Variants in NAA40 observed in about 807,000 individuals in gnomAD.
NAA40 encodes N-alpha-acetyltransferase 40, NatD catalytic subunit.
A neutral mutation model predicts 36.6 loss-of-function variants in NAA40; 26 were observed. The ratio of observed to expected loss-of-function variants is 0.71; its 90% CI spans 0.52 to 0.98. The LOEUF (loss-of-function observed/expected upper bound fraction) is 0.98, where lower values mean the gene tolerates loss of function less well. Ranked by LOEUF, NAA40 falls within the 50% of genes least tolerant of loss-of-function variation. NAA40 has a pLI of 0.00. For synonymous variants in NAA40, 129 were observed against 108.4 expected (o/e 1.19, Z -1.18); for missense variants, 237 against 306.5 (o/e 0.77, Z 1.69).
At chr11:63,953,386 A>G (rs573854937) in intron 6 of NAA40, among the ~76,000 whole-genome samples, 13 of 152,182 alleles carry the variant, frequency 8.5e-5, no homozygotes, top group Admixed American at 7.2e-4. Flanking sequence ...CACCTTCTGT[A>G]CCGAAGTAAT....
chr11:63,946,913 A>T (rs770797218), intron 2 of NAA40, 38 bp from the exon 3 acceptor site: 5 of 1,612,526 alleles, frequency 3.1e-6, no homozygotes, highest in Non-Finnish European at 4.2e-6. Flanking sequence ...CCTCCGCCCC[A>T]CTTGTCTGTG....
intron 1 of NAA40, chr11:63,939,521 G>A: frequency 1.0e-6 from 1 of 998,132 alleles, no homozygotes; most frequent in South Asian, 4.5e-5. Context: ...GAGGAAAGAA[G>A]GCGCCTAGCC....
intron 3 of NAA40, among the ~76,000 whole-genome samples, chr11:63,948,869 C>T (rs901080140): frequency 6.6e-6 from 1 of 151,934 alleles, no homozygotes; most frequent in African/African-American, 2.4e-5. Context: ...CCTTTCTGTT[C>T]CTCAATTTTC....
chr11:63,940,877 T>C (rs1942097887), intron 1 of NAA40, among the ~76,000 whole-genome samples: 1 of 152,222 alleles, frequency 6.6e-6, no homozygotes, highest in Non-Finnish European at 1.5e-5. Flanking sequence ...TAAATTTTGG[T>C]GAAAGGTCCT....
chr11:63,949,520 C>T (rs1056591152), intron 3 of NAA40, among the ~76,000 whole-genome samples: 10 of 151,784 alleles, frequency 6.6e-5, no homozygotes, highest in African/African-American at 2.4e-4. Context: ...GTTTTTTTCT[C>T]GTTTTGGTTT....
chr11:63,949,232 C>T (rs1942236719), intron 3 of NAA40, among the ~76,000 whole-genome samples: 1 of 152,090 alleles, frequency 6.6e-6, no homozygotes, highest in South Asian at 2.1e-4. Flanking sequence ...ATAATAGTAC[C>T]TTTCTCATGG....
chr11:63,941,899 A>G (rs1220916515), intron 1 of NAA40, among the ~76,000 whole-genome samples: 1 of 152,096 alleles, frequency 6.6e-6, no homozygotes, highest in Non-Finnish European at 1.5e-5. Flanking sequence ...TTCCAGTCGT[A>G]GAACTGTGTG....
chr11:63,941,774 G>A (rs1942112805), intron 1 of NAA40, among the ~76,000 whole-genome samples: 1 of 152,084 alleles, frequency 6.6e-6, no homozygotes. Context: ...GGCTGGTCTT[G>A]AACTCCTGAC....
In NAA40 at chr11:63,952,381, C is replaced by T. The variant is rs770887296; in HGVS notation, c.252-26C>T. The T allele has an allele frequency of 3.6e-5, 58 of 1,613,230 alleles. 1 individual carries two copies. The South Asian group carries it at 4.9e-4, about 14-fold the overall frequency. On this transcript the variant is annotated intron_variant, in intron 4 of 7. Transcript: ENST00000377793. The stretch of plus-strand genomic sequence containing the variant: ...AGCCTAGTTCCTCTCGCAGCTTTCC[C>T]GTCTGACTGCTCCCAAATTCCCCAG...
At position 63,953,389 on chromosome 11, in the gene NAA40, G is replaced by A. The variant is rs542827489; in HGVS notation, c.494+550G>A. 3.2e-4 allele frequency among the ~76,000 whole-genome samples: 48 copies of A among 152,226 alleles called. No homozygotes were observed. The East Asian group carries it at 6.4e-3, about 20-fold the overall frequency. On this transcript the variant is annotated intron_variant, in intron 6 of 7. Coordinates refer to ENST00000377793, the MANE Select transcript of NAA40 (RefSeq NM_024771.4). ...TCTAATCTCTGCCACCTTCTGTACC[G>A]AAGTAATGGTGCTACAGAGAGGAAG...
chr11:63,948,476 T>C (rs999935825), intron 3 of NAA40, among the ~76,000 whole-genome samples: 1 of 152,052 alleles, frequency 6.6e-6, no homozygotes. Context: ...CTCAGCACTT[T>C]GGGAGGCCGA....
chr11:63,942,020 T>C (rs1942116633), intron 1 of NAA40, among the ~76,000 whole-genome samples: 1 of 152,202 alleles, frequency 6.6e-6, no homozygotes, highest in South Asian at 2.1e-4. Flanking sequence ...GATTGTGACA[T>C]GGTGGAAGGA....
chr11:63,949,853 T>G (rs1590756139), intron 3 of NAA40, among the ~76,000 whole-genome samples: 1 of 149,472 alleles, frequency 6.7e-6, no homozygotes, highest in Non-Finnish European at 1.5e-5. Flanking sequence ...CACGCCATTA[T>G]CCTGCCTCAG....
chr11:63,953,559 G>C (rs1942315425), intron 6 of NAA40, among the ~76,000 whole-genome samples: 1 of 152,198 alleles, frequency 6.6e-6, no homozygotes, highest in Non-Finnish European at 1.5e-5. Flanking sequence ...AGGAACACTC[G>C]TGTGGGTGAA....
intron 7 of NAA40, 111 bp downstream of exon 7, chr11:63,954,160 C>A: frequency 1.5e-6 from 2 of 1,364,924 alleles, no homozygotes; most frequent in Non-Finnish European, 2.0e-6. Context: ...TCCAGTGGTC[C>A]ATGGGGGTTC....
chr11:63,954,428 G>A lies in NAA40; in HGVS notation c.663G>A (p.Gly221=), dbSNP rs1942331109. 6.2e-7 allele frequency: 1 copy of A among 1,612,720 alleles called. No homozygotes were observed. Among genetic ancestry groups the A allele is most frequent in the African/African-American group, 1.3e-5 (1 of 74,864 alleles). ...YEILSRRTKF[G]DSHHSHAGGH... is the part of the protein sequence containing the mutation. ...TCCTGAGCCGGAGGACCAAGTTTGG[G>A]GACAGCCATCACTCCCACGCGGGTG... is the stretch of plus-strand genomic sequence containing the variant. Residue 221 remains glycine (G), a synonymous_variant, in exon 8 of 8, where the codon GGG becomes GGA. Coordinates refer to ENST00000377793, the MANE Select transcript of NAA40 (RefSeq NM_024771.4).
chr11:63,954,516 C>T lies in NAA40; in HGVS notation c.*37C>T. On this transcript the variant is annotated 3_prime_UTR_variant, in exon 8 of 8. Transcript: ENST00000377793. ...CACTTTCAAGTCACAATGCTCTCTC[C>T]TAAGGCCTTTCCTCTTTCCTGGTCT... is the stretch of plus-strand genomic sequence containing the variant. 3 of 1,556,070 alleles carry T rather than the reference C, an allele frequency of 1.9e-6. No homozygotes were observed. Among genetic ancestry groups the T allele is most frequent in the Non-Finnish European group, 2.6e-6 (3 of 1,151,500 alleles).
At chr11:63,952,060 A>G (rs1049263957) in intron 3 of NAA40, 178 bp from the exon 4 acceptor site, 8 of 562,952 alleles carry the variant, frequency 1.4e-5, no homozygotes, top group Non-Finnish European at 2.2e-5. Context: ...TGTTAATCTC[A>G]GCCTGAAAGA....
rs774851818 is a variant in NAA40 at position 63,939,048 on chromosome 11, C to G, written c.-49C>G. Reference sequence around the variant, plus strand: ...GTTGCAGCCACCGCCGTTGCCGCCTCCCTGCCGGCAAGTGTGTGAAGAAGA... The same window carrying G: ...GTTGCAGCCACCGCCGTTGCCGCCTGCCTGCCGGCAAGTGTGTGAAGAAGA... On this transcript the variant is annotated 5_prime_UTR_variant, in exon 1 of 8. Transcript: ENST00000377793. The G allele has an allele frequency of 1.9e-6, 3 of 1,601,080 alleles. No homozygotes were observed. In the Admixed American group the frequency reaches 5.0e-5, roughly 27 times the overall value.
Sources: allele counts gnomAD v4.1 joint callset (sites outside exome capture counted in the v4.1 genomes callset), GRCh38; gene constraint gnomAD v4.1.1; transcripts MANE v1.5; gene names NCBI Gene and HGNC (gene_info 2026-07-23, HGNC 2026-07-21).